CDK19: variants seen among roughly 807,000 people sequenced by gnomAD.
CDK19 encodes cyclin dependent kinase 19.
In CDK19, 20 loss-of-function variants were observed where a neutral mutation model predicts 68.3. The observed-to-expected ratio is 0.29, with a 90% CI of 0.21 to 0.43. CDK19 has a LOEUF of 0.43. Among genes scored for constraint, CDK19 ranks in the 20% least tolerant of loss-of-function variants. The pLI, the probability that CDK19 is intolerant of heterozygous loss-of-function variation, is 1.00. For synonymous variants in CDK19, 221 were observed against 222.8 expected (o/e 0.99, Z 0.07); for missense variants, 339 against 623.5 (o/e 0.54, Z 4.86).
Position 110,752,374 on chromosome 6 carries a change from C to T in CDK19, c.129-6173G>A, listed in dbSNP as rs527464485. ...ATTTCATTTATAAATAGTTCAATGT[C>T]GTAACACTTTAATATCAAGAATTTT... On this transcript the variant is annotated intron_variant, in intron 1 of 12. Coordinates refer to ENST00000368911, the MANE Select transcript of CDK19 (RefSeq NM_015076.5). 2.6e-5 allele frequency among the ~76,000 whole-genome samples: 4 copies of T among 152,090 alleles called. No individual in the cohort carries two copies. The East Asian group carries it at 7.7e-4, about 29-fold the overall frequency.
chr6:110,812,125 T>G (rs1783149402), intron 1 of CDK19, among the ~76,000 whole-genome samples: 2 of 136,014 alleles, frequency 1.5e-5, no homozygotes, highest in Admixed American at 7.3e-5. Flanking sequence ...AACAAATAAC[T>G]TTTTTTTTTT....
At chr6:110,718,732 T>C (rs2114728485) in intron 2 of CDK19, among the ~76,000 whole-genome samples, 1 of 150,474 alleles carries the variant, frequency 6.6e-6, no homozygotes, top group East Asian at 1.9e-4. Context: ...AGGCAACAAG[T>C]GAAAAAAATT....
rs1012332392 is a variant in CDK19, at chr6:110,712,050, T to C, written c.204+34076A>G. 4.6e-5 allele frequency among the ~76,000 whole-genome samples: 7 copies of C among 152,346 alleles called. No homozygotes were observed. The East Asian group carries it at 1.2e-3, about 25-fold the overall frequency. ...TAGTAAGATTGGCTACTTTTTTAAC[T>C]GCAGTGACACAAATTTACAATGCTC... is the stretch of plus-strand genomic sequence containing the variant. On this transcript the variant is annotated intron_variant, in intron 2 of 12. Coordinates refer to ENST00000368911, the MANE Select transcript of CDK19 (RefSeq NM_015076.5).
chr6:110,815,560 T>G (rs187273796), upstream of CDK19: 160 of 155,468 alleles, frequency 1.0e-3, no homozygotes, highest in African/African-American at 3.7e-3. Flanking sequence ...GAAATACAGC[T>G]CCCAGGTTAC....
At chr6:110,620,437 T>C (rs755412045) in intron 12 of CDK19, among the ~76,000 whole-genome samples, 1 of 152,160 alleles carries the variant, frequency 6.6e-6, no homozygotes, top group African/African-American at 2.4e-5. Context: ...CTAGATGGTT[T>C]CTTAACTTGT....
intron 1 of CDK19, among the ~76,000 whole-genome samples, chr6:110,757,539 A>T (rs1778917703): frequency 6.6e-6 from 1 of 152,228 alleles, no homozygotes; most frequent in African/African-American, 2.4e-5. Context: ...GAATTTACAT[A>T]ATATTATTAT....
At chr6:110,651,232 A>ACTATCTAT (rs61558536) in intron 4 of CDK19, among the ~76,000 whole-genome samples, 31,572 of 149,780 alleles carry the variant, frequency 0.21, 3,532 homozygotes, top group South Asian at 0.37. Flanking sequence ...AAATAGATCT[A>ACTATCTAT]CTATCTATCT....
At chr6:110,692,953 C>A (rs1353494900) in intron 2 of CDK19, among the ~76,000 whole-genome samples, 1 of 152,006 alleles carries the variant, frequency 6.6e-6, no homozygotes, top group South Asian at 2.1e-4. Flanking sequence ...GCCAGGATCA[C>A]GCCACTGTAC....
At chr6:110,623,889 A>G (rs550168433) in intron 8 of CDK19, among the ~76,000 whole-genome samples, 540 of 47,690 alleles carry the variant, frequency 0.011, 2 homozygotes, top group East Asian at 0.014. Context: ...GTATATATAT[A>G]TGTGTGTGTA....
chr6:110,664,522 A>T (rs375478992), intron 4 of CDK19, among the ~76,000 whole-genome samples: 13 of 152,220 alleles, frequency 8.5e-5, no homozygotes, highest in African/African-American at 2.7e-4. Flanking sequence ...CTTTACACAT[A>T]CAAGAAAACA....
chr6:110,624,824 T>A (rs1168636514), intron 8 of CDK19, among the ~76,000 whole-genome samples: 1 of 152,190 alleles, frequency 6.6e-6, no homozygotes, highest in Non-Finnish European at 1.5e-5. Flanking sequence ...GCCTAGCAGG[T>A]GAGACTCAGA....
chr6:110,710,850 G>A lies in CDK19; in HGVS notation c.204+35276C>T, dbSNP rs540064295. The stretch of plus-strand genomic sequence containing the variant: ...ACATTCAGACCATATCCTCCCTCCC[G>A]TAGAAGACACAAGGGTAATCTAATC... On this transcript the variant is annotated intron_variant, in intron 2 of 12. Coordinates refer to ENST00000368911, the MANE Select transcript of CDK19 (RefSeq NM_015076.5). Among the ~76,000 whole-genome samples the A allele has an allele frequency of 4.1e-4, 62 of 152,200 alleles. 1 individual carries two copies. The highest frequency in any genetic ancestry group is 1.3e-3 in the African/African-American group (55 of 41,544).
intron 1 of CDK19, among the ~76,000 whole-genome samples, chr6:110,797,282 GTGA>G (rs1384590671): frequency 6.6e-6 from 1 of 152,098 alleles, no homozygotes; most frequent in Non-Finnish European, 1.5e-5. Flanking sequence ...AAAGGTTGCA[GTGA>G]ACCGAGATCG....
intron 4 of CDK19, among the ~76,000 whole-genome samples, chr6:110,642,158 G>A (rs572920880): frequency 1.3e-5 from 2 of 152,186 alleles, no homozygotes; most frequent in African/African-American, 4.8e-5. Context: ...AAAATTAGCT[G>A]GGCGTGGTGG....
At chr6:110,776,264 A>T (rs1454949188) in intron 1 of CDK19, among the ~76,000 whole-genome samples, 1 of 152,020 alleles carries the variant, frequency 6.6e-6, no homozygotes, top group Admixed American at 6.5e-5. Context: ...ACCCGCCTCT[A>T]CTAAAAATAC....
At chr6:110,709,107 A>C (rs1165105574) in intron 2 of CDK19, among the ~76,000 whole-genome samples, 1 of 152,222 alleles carries the variant, frequency 6.6e-6, no homozygotes, top group Non-Finnish European at 1.5e-5. Flanking sequence ...GATGCAGAAA[A>C]GGCCTTCATA....
intron 1 of CDK19, among the ~76,000 whole-genome samples, chr6:110,785,370 T>C (rs1239663825): frequency 5.9e-5 from 9 of 152,194 alleles, no homozygotes; most frequent in Non-Finnish European, 1.3e-4. Flanking sequence ...CATAGCCTAC[T>C]GTTGACTGGA....
chr6:110,723,692 C>T (rs1167165772), intron 2 of CDK19, among the ~76,000 whole-genome samples: 2 of 152,140 alleles, frequency 1.3e-5, no homozygotes, highest in African/African-American at 4.8e-5. Context: ...TCACAAATGA[C>T]AATTAAAGGC....
intron 2 of CDK19, among the ~76,000 whole-genome samples, chr6:110,702,303 G>A (rs1174070090): frequency 6.6e-6 from 1 of 151,980 alleles, no homozygotes; most frequent in Non-Finnish European, 1.5e-5. Context: ...AAATTAATTA[G>A]CTGGGCATGG....
Sources: allele counts gnomAD v4.1 joint callset (sites outside exome capture counted in the v4.1 genomes callset), GRCh38; gene constraint gnomAD v4.1.1; transcripts MANE v1.5; gene names NCBI Gene and HGNC (gene_info 2026-07-23, HGNC 2026-07-21).